The following SH3PXD2B variants were observed in gnomAD, a reference collection of about 807,000 sequenced individuals.
SH3PXD2B encodes the protein SH3 and PX domains 2B, also known as SH3 and PX domain-containing protein 2B.
In SH3PXD2B, 37 loss-of-function variants were observed where a neutral mutation model predicts 73.1. The ratio of observed to expected loss-of-function variants is 0.51; its 90% CI spans 0.39 to 0.67. The LOEUF (loss-of-function observed/expected upper bound fraction) is 0.67. Ranked by LOEUF, SH3PXD2B falls within the 30% of genes least tolerant of loss-of-function variation. The probability of loss-of-function intolerance (pLI) is 0.00; values close to 1 mark genes in which losing one functional copy is unlikely to be tolerated. For missense variants in SH3PXD2B, 1,053 were observed against 1,197.8 expected, an observed-to-expected ratio of 0.88 and a Z score of 1.78; for synonymous variants, 457 against 480.5, an observed-to-expected ratio of 0.95 and a Z score of 0.64.
At chr5:172,344,098 T>C (rs1411583972) in intron 12 of SH3PXD2B, among the ~76,000 whole-genome samples, 2 of 152,108 alleles carry the variant, frequency 1.3e-5, no homozygotes, top group African/African-American at 4.8e-5. Context: ...TATATCATCA[T>C]CATCATCATC....
intron 1 of SH3PXD2B, among the ~76,000 whole-genome samples, chr5:172,452,863 A>G (rs75413757): frequency 4.0e-5 from 6 of 149,864 alleles, no homozygotes; most frequent in African/African-American, 9.8e-5. Context: ...AAAAGGAAGG[A>G]AAAAAAAAAG....
chr5:172,388,956 T>G (rs1417228279), intron 4 of SH3PXD2B, among the ~76,000 whole-genome samples: 1 of 152,242 alleles, frequency 6.6e-6, no homozygotes, highest in South Asian at 2.1e-4. Flanking sequence ...GCCCTGGCCC[T>G]TCCTTTGTCA....
intron 1 of SH3PXD2B, among the ~76,000 whole-genome samples, chr5:172,452,355 A>G (rs1318862636): frequency 3.3e-5 from 5 of 152,262 alleles, no homozygotes; most frequent in Admixed American, 3.3e-4. Context: ...GAGCTGACAC[A>G]GCAGAGAATG....
intron 1 of SH3PXD2B, among the ~76,000 whole-genome samples, chr5:172,447,854 G>A (rs902148458): frequency 6.6e-6 from 1 of 151,872 alleles, no homozygotes; most frequent in African/African-American, 2.4e-5. Flanking sequence ...CCGGCCAGGT[G>A]AGCTGAGGGG....
chr5:172,401,506 T>C (rs919792288), intron 3 of SH3PXD2B, among the ~76,000 whole-genome samples: 58 of 152,326 alleles, frequency 3.8e-4, no homozygotes, highest in Middle Eastern at 6.8e-3. Flanking sequence ...TTGGCTTATC[T>C]TTAGTGTGCC....
In SH3PXD2B at chr5:172,339,331, T is replaced by C. The variant is rs774608699; in HGVS notation, c.1774A>G (p.Asn592Asp). Reference sequence around the variant, plus strand: ...TGGCCACACTCCAGCCCCATGTCATTTTTCAGCTGGAACAGTCTGCTTTTG... The same window carrying C: ...TGGCCACACTCCAGCCCCATGTCATCTTTCAGCTGGAACAGTCTGCTTTTG... Reference protein sequence around the residue: ...PDKSRLFQLKNDMGLECGHKV... With the variant: ...PDKSRLFQLKDDMGLECGHKV... Residue 592 changes from asparagine to aspartate, a missense_variant, in exon 13 of 13, where the codon AAT becomes GAT. Asn to Asp is a conservative substitution (Grantham distance 23). Around this residue, in one of 2 missense-constraint regions of SH3PXD2B, gnomAD observed 587 missense variants for 590.7 expected, o/e 0.99. Transcript: ENST00000311601. This position sits in a 1 kb window ranked among gnomAD's most constrained non-coding sequence, Gnocchi z 6.1. 8 of 1,614,160 alleles carry C rather than the reference T, an allele frequency of 5.0e-6. No individual in the cohort carries two copies. In the South Asian group the frequency reaches 7.7e-5, roughly 16 times the overall value.
chr5:172,452,306 T>C (rs1759814496), intron 1 of SH3PXD2B, among the ~76,000 whole-genome samples: 1 of 152,166 alleles, frequency 6.6e-6, no homozygotes, highest in Non-Finnish European at 1.5e-5. Flanking sequence ...CAAAAGACGG[T>C]TCTCAAAGCG....
intron 1 of SH3PXD2B, among the ~76,000 whole-genome samples, chr5:172,432,303 G>A (rs941438530): frequency 2.1e-5 from 3 of 142,046 alleles, no homozygotes; most frequent in South Asian, 2.3e-4. Context: ...GCCATCTTGC[G>A]TTTAGGCTCA....
At chr5:172,380,355 G>C (rs1188152972) in intron 5 of SH3PXD2B, among the ~76,000 whole-genome samples, 2 of 152,140 alleles carry the variant, frequency 1.3e-5, no homozygotes, top group African/African-American at 4.8e-5. Context: ...GGGAATGACA[G>C]TTTTTATTGG....
downstream of SH3PXD2B, among the ~76,000 whole-genome samples, chr5:172,329,083 A>ATATATATATTTTTTT (rs58472514): frequency 1.6e-5 from 1 of 61,814 alleles, no homozygotes; most frequent in Non-Finnish European, 2.7e-5. Context: ...ATATATATAT[A>ATATATATATTTTTTT]TTTTTTTTTT....
chr5:172,354,932 C>T (rs1757238182), intron 8 of SH3PXD2B, among the ~76,000 whole-genome samples: 2 of 152,218 alleles, frequency 1.3e-5, no homozygotes, highest in Non-Finnish European at 2.9e-5. Context: ...AGGGCCTGGG[C>T]TCGGCAGGGC....
At chr5:172,348,679 CTAT>C (rs1438485358) in intron 10 of SH3PXD2B, among the ~76,000 whole-genome samples, 40 of 129,544 alleles carry the variant, frequency 3.1e-4, no homozygotes, top group East Asian at 6.0e-4. Context: ...ATCTATCTAT[CTAT>C]CTATCTATCT....
At position 172,358,753 on chromosome 5, in the gene SH3PXD2B, AG is replaced by A; in HGVS notation, c.667+19del. 6.2e-7 allele frequency: 1 copy of A among 1,601,068 alleles called. No homozygotes were observed. The highest frequency in any genetic ancestry group is 8.5e-7 in the Non-Finnish European group (1 of 1,173,250). ...TGCACAGGTCCTCCCCAGTGAGCAG[AG>A]GCTCGAGCTCCTCCCTACCTTCTTC... On this transcript the variant is annotated intron_variant, in intron 8 of 12. Coordinates refer to ENST00000311601, the MANE Select transcript of SH3PXD2B (RefSeq NM_001017995.3).
intron 6 of SH3PXD2B, among the ~76,000 whole-genome samples, chr5:172,371,131 A>G (rs1757694904): frequency 6.6e-6 from 1 of 152,186 alleles, no homozygotes; most frequent in African/African-American, 2.4e-5. Flanking sequence ...CTGTTTGGGC[A>G]TATTTTTTCT....
rs558874768 is a variant in SH3PXD2B at position 172,394,700 on chromosome 5, T to C, written c.233-61A>G. 1,033 of 1,570,704 alleles carry C rather than the reference T, an allele frequency of 6.6e-4. 18 individuals carry two copies. In the South Asian group the frequency reaches 0.011, roughly 17 times the overall value. ...GAACAGGGACAAGCTCTCAGCAACC[T>C]GAGAGGGTGTGGACATGGCGGTTCC... On this transcript the variant is annotated intron_variant, in intron 3 of 12. Coordinates refer to ENST00000311601, the MANE Select transcript of SH3PXD2B (RefSeq NM_001017995.3).
intron 5 of SH3PXD2B, among the ~76,000 whole-genome samples, chr5:172,378,072 A>G (rs1561912925): frequency 6.6e-6 from 1 of 152,122 alleles, no homozygotes; most frequent in African/African-American, 2.4e-5. Flanking sequence ...AGAGAGTACC[A>G]CAAAGCCACC....
chr5:172,386,829 C>T (rs972957952), intron 4 of SH3PXD2B, among the ~76,000 whole-genome samples: 6 of 152,098 alleles, frequency 3.9e-5, no homozygotes, highest in Non-Finnish European at 8.8e-5. Flanking sequence ...GGTTTCACCA[C>T]GTTGCCCAGG....
chr5:172,439,251 GAAAAAA>G (rs1240619268), intron 1 of SH3PXD2B, among the ~76,000 whole-genome samples: 38 of 35,266 alleles, frequency 1.1e-3, no homozygotes, highest in African/African-American at 3.1e-3. Flanking sequence ...AAAAAAAAAA[GAAAAAA>G]AAAAAACAAA....
At chr5:172,425,452 G>A (rs1295979831) in intron 1 of SH3PXD2B, among the ~76,000 whole-genome samples, 1 of 152,176 alleles carries the variant, frequency 6.6e-6, no homozygotes, top group Non-Finnish European at 1.5e-5. Flanking sequence ...CCTATCTGAG[G>A]AGGCAACCTT....
Sources: gnomAD v4.1 joint callset for allele counts (sites outside exome capture counted in the v4.1 genomes callset) on GRCh38, gnomAD v4.1.1 for gene constraint, gnomAD v4.1.1 regional missense constraint, Gnocchi (gnomAD v3.1) non-coding constraint, MANE v1.5 for transcripts, NCBI Gene and HGNC (gene_info 2026-07-23, HGNC 2026-07-21) for gene names.